Variants in VCL observed in about 807,000 individuals in gnomAD.
The protein encoded by VCL is vinculin, also known as epididymis luminal protein 114.
In VCL, 47 loss-of-function variants were observed where a neutral mutation model predicts 125.7. That is an observed-to-expected ratio of 0.37 (90% CI 0.30 to 0.48). The LOEUF is 0.48. VCL is among the 20% of genes least tolerant of loss of function. The pLI, the probability that VCL is intolerant of heterozygous loss-of-function variation, is 0.99. For missense variants in VCL, 1,069 were observed against 1,455.5 expected (o/e 0.73, Z 4.32); for synonymous variants, 458 against 514.6 (o/e 0.89, Z 1.49).
intron 8 of VCL, among the ~76,000 whole-genome samples, chr10:74,088,478 C>T (rs1182587779): frequency 6.6e-6 from 1 of 152,032 alleles, no homozygotes; most frequent in Admixed American, 6.5e-5. Context: ...TTAAGATTAT[C>T]ATTAGGTTCA....
At chr10:74,076,909 T>A (rs980499363) in intron 6 of VCL, 1 of 152,680 alleles carries the variant, frequency 6.5e-6, no homozygotes, top group Admixed American at 6.5e-5. Flanking sequence ...AGGGAAAAGC[T>A]ATCCATCATT....
chr10:74,003,259 G>C (rs1840264433), intron 1 of VCL, among the ~76,000 whole-genome samples: 1 of 151,980 alleles, frequency 6.6e-6, no homozygotes, highest in South Asian at 2.1e-4. Context: ...TTTAAACACA[G>C]AGAGTGAGTC....
intron 1 of VCL, among the ~76,000 whole-genome samples, chr10:74,030,313 GTTTCTT>G (rs1306880307): frequency 2.6e-5 from 4 of 152,162 alleles, no homozygotes; most frequent in Non-Finnish European, 5.9e-5. Context: ...CCAGAAGTCT[GTTTCTT>G]TTTAATGTGA....
At chr10:74,089,167 C>T (rs1194118817) in intron 8 of VCL, 29 bp from the exon 9 acceptor site, 1 of 1,613,646 alleles carries the variant, frequency 6.2e-7, no homozygotes, top group Non-Finnish European at 8.5e-7. Flanking sequence ...TGAGGGTGTA[C>T]AATGACAGCA....
At chr10:74,022,152 G>C (rs1368572639) in intron 1 of VCL, among the ~76,000 whole-genome samples, 1 of 152,096 alleles carries the variant, frequency 6.6e-6, no homozygotes, top group Non-Finnish European at 1.5e-5. Context: ...TATAGCCTGT[G>C]TTTTTAACTG....
chr10:74,089,270 A>T lies in VCL; in HGVS notation c.1097A>T (p.Lys366Ile). ...CAGGGTCTGGATGTGCTCACAGCAA[A>T]AGTGGAAAATGCAGCTCGCAAGCTG... is the stretch of plus-strand genomic sequence containing the variant. ...VSQGLDVLTA[K>I]VENAARKLEA... The change falls in exon 9 of 22, where the codon AAA becomes ATA. Residue 366 changes from lysine to isoleucine, a missense_variant. Around this residue, in one of 6 missense-constraint regions of VCL, gnomAD observed 760 missense variants for 928.9 expected, o/e 0.82. Transcript: ENST00000211998. 6.2e-7 allele frequency: 1 copy of T among 1,614,214 alleles called. No individual in the cohort carries two copies. Among genetic ancestry groups the T allele is most frequent in the Non-Finnish European group, 8.5e-7 (1 of 1,180,044 alleles).
chr10:74,095,206 CTT>C (rs1253925588), intron 11 of VCL, among the ~76,000 whole-genome samples: 2 of 152,070 alleles, frequency 1.3e-5, no homozygotes, highest in East Asian at 3.8e-4. Context: ...TAATAACTGA[CTT>C]GTGAAATAAT....
At chr10:74,063,825 T>A (rs1278688364) in intron 2 of VCL, 1 of 152,158 alleles carries the variant, frequency 6.6e-6, no homozygotes, top group Non-Finnish European at 1.5e-5. Flanking sequence ...TTGATGTATA[T>A]AATAATGGGA....
chr10:74,083,619 A>T (rs1449445541), intron 8 of VCL, 106 bp downstream of exon 8: 2 of 1,322,812 alleles, frequency 1.5e-6, no homozygotes, highest in Admixed American at 3.9e-5. Flanking sequence ...TTTGGCTAGT[A>T]GATAACAGAG....
Position 74,085,159 on chromosome 10 carries a change from T to C in VCL, c.1022+1646T>C, listed in dbSNP as rs542233514. ...GCCTCAAGTGATCCTCTCAAAAGTGTTGAGATTAAAGGCGTGAGCCACCAC... is the reference window on the plus strand; with the variant it reads ...GCCTCAAGTGATCCTCTCAAAAGTGCTGAGATTAAAGGCGTGAGCCACCAC... On this transcript the variant is annotated intron_variant, in intron 8 of 21. Coordinates refer to ENST00000211998, the MANE Select transcript of VCL (RefSeq NM_014000.3). 3.3e-5 allele frequency among the ~76,000 whole-genome samples: 5 copies of C among 152,164 alleles called. No individual in the cohort carries two copies. The South Asian group carries it at 8.3e-4, about 25-fold the overall frequency.
chr10:74,071,156 T>C lies in VCL; in HGVS notation c.499+73T>C. 2 of 1,437,152 alleles carry C rather than the reference T, an allele frequency of 1.4e-6. No individual in the cohort carries two copies. Among genetic ancestry groups the C allele is most frequent in the Admixed American group, 3.4e-5 (2 of 58,572 alleles). The allele number at this position is 1,437,152 out of a possible 1,614,324, so 89.0% of individuals were successfully genotyped here. ...TGGAGCCAAAGGAAAGGGTACCCTC[T>C]TCCTACTTTTTGCAGAAGATAGGTG... On this transcript the variant is annotated intron_variant, in intron 4 of 21. Transcript: ENST00000211998. The surrounding 1 kb of genome is among the most constrained non-coding windows in gnomAD (Gnocchi z 4.1).
intron 1 of VCL, among the ~76,000 whole-genome samples, chr10:74,013,141 G>A (rs908278303): frequency 1.3e-5 from 2 of 152,084 alleles, no homozygotes; most frequent in African/African-American, 2.4e-5. Flanking sequence ...TAAACAAATA[G>A]GAAGGCCATT....
Position 74,018,177 on chromosome 10 carries a change from GATATATAT to G in VCL, c.168+19820_168+19827del, listed in dbSNP as rs72407698. 4.0e-4 allele frequency among the ~76,000 whole-genome samples: 33 copies of G among 81,882 alleles called. 2 individuals are homozygous for G. The highest frequency in any genetic ancestry group is 6.3e-4 in the Admixed American group (4 of 6,356). The allele number at this position is 81,882 out of a possible 152,430, so 53.7% of individuals were successfully genotyped here. On this transcript the variant is annotated intron_variant, in intron 1 of 21. Transcript: ENST00000211998. Reference sequence around the variant, plus strand: ...TGGTAAAATGTGAGGATATATATAGGATATATATATATATATATATATATAAATACATA... The same window carrying G: ...TGGTAAAATGTGAGGATATATATAGGATATATATATATATATAAATACATA...
At chr10:73,999,199 G>A (rs1201921903) in intron 1 of VCL, among the ~76,000 whole-genome samples, 1 of 152,076 alleles carries the variant, frequency 6.6e-6, no homozygotes, top group Non-Finnish European at 1.5e-5. Flanking sequence ...GGCCCTCCTT[G>A]GCCCCTCCTC....
intron 21 of VCL, among the ~76,000 whole-genome samples, chr10:74,115,393 T>C (rs1840295620): frequency 8.8e-6 from 1 of 114,088 alleles, no homozygotes; most frequent in Non-Finnish European, 2.0e-5. Flanking sequence ...AATAGATAAA[T>C]AAATAAATAA....
chr10:74,082,170 A>G (rs1483061027), intron 6 of VCL, among the ~76,000 whole-genome samples: 6 of 152,218 alleles, frequency 3.9e-5, no homozygotes, highest in Admixed American at 1.3e-4. Flanking sequence ...GACATTAAAC[A>G]TATTCTGGCT....
At chr10:74,042,122 T>C (rs1238497699) in intron 1 of VCL, among the ~76,000 whole-genome samples, 1 of 152,224 alleles carries the variant, frequency 6.6e-6, no homozygotes, top group Non-Finnish European at 1.5e-5. Flanking sequence ...TTTTTTGGTG[T>C]TGTACTCATA....
At chr10:74,038,265 G>A (rs1196680205) in intron 1 of VCL, among the ~76,000 whole-genome samples, 1 of 152,144 alleles carries the variant, frequency 6.6e-6, no homozygotes, top group African/African-American at 2.4e-5. Flanking sequence ...CCAAAGTGCT[G>A]GGATTACAGG....
chr10:73,999,927 G>C (rs1000692819), intron 1 of VCL, among the ~76,000 whole-genome samples: 1 of 152,130 alleles, frequency 6.6e-6, no homozygotes, highest in Non-Finnish European at 1.5e-5. Flanking sequence ...TGCATTCCAG[G>C]CCTCCATTTT....
Sources: allele counts gnomAD v4.1 joint callset (sites outside exome capture counted in the v4.1 genomes callset), GRCh38; gene constraint gnomAD v4.1.1; regional missense constraint gnomAD v4.1.1; non-coding constraint Gnocchi (gnomAD v3.1); transcripts MANE v1.5; gene names NCBI Gene and HGNC (gene_info 2026-07-23, HGNC 2026-07-21).